Variants in PAFAH2 observed in about 807,000 individuals in gnomAD.
The protein encoded by PAFAH2 is platelet-activating factor acetylhydrolase 2, cytoplasmic.
PAFAH2 carries 42 observed loss-of-function variants against 49.0 expected under a neutral mutation model. The ratio of observed to expected loss-of-function variants is 0.86; its 90% CI spans 0.67 to 1.11. PAFAH2 has a LOEUF of 1.11. PAFAH2 is among the 50% of genes least tolerant of loss of function. PAFAH2 has a pLI of 0.00. For synonymous variants in PAFAH2, 184 were observed against 181.3 expected, an observed-to-expected ratio of 1.01 and a Z score of -0.12; for missense variants, 503 against 501.8, an observed-to-expected ratio of 1.00 and a Z score of -0.02.
At position 25,988,295 on chromosome 1, in the gene PAFAH2, G is replaced by GGCCA. The variant is rs1557529116; in HGVS notation, c.273_276dup (p.Pro93TrpfsTer4). The GGCCA allele has an allele frequency of 6.2e-7, 1 of 1,611,146 alleles. No homozygotes were observed. Among genetic ancestry groups the GGCCA allele is most frequent in the Non-Finnish European group, 8.5e-7 (1 of 1,178,718 alleles). ...TATCCAGAGTCCTTTGTCTTAAAGGGGCCATTCCAGCTAACAGGCAGGCGA... is the reference window on the plus strand; with the variant it reads ...TATCCAGAGTCCTTTGTCTTAAAGGGGCCAGCCATTCCAGCTAACAGGCAGGCGA... On this transcript the variant is annotated frameshift_variant, in exon 4 of 11. Transcript: ENST00000374282. LOFTEE classifies it high-confidence loss of function.
rs1466273176 is a variant in PAFAH2, at chr1:25,960,413, C to A, written c.*1576G>T. On this transcript the variant is annotated 3_prime_UTR_variant, in exon 11 of 11. Coordinates refer to ENST00000374282, the MANE Select transcript of PAFAH2 (RefSeq NM_000437.4). ...CCCCCAAATAGCTTTGAACTGGATC[C>A]CTAAGAAGACTTCCTTCCTTTTAAA... is the stretch of plus-strand genomic sequence containing the variant. 6.6e-6 allele frequency: 1 copy of A among 152,592 alleles called. No homozygotes were observed. The highest frequency in any genetic ancestry group is 1.5e-5 in the Non-Finnish European group (1 of 68,034). The allele number at this position is 152,592 out of a possible 1,614,324, so 9.5% of individuals were successfully genotyped here.
chr1:25,980,031 G>A (rs924781469), intron 7 of PAFAH2, among the ~76,000 whole-genome samples: 1 of 152,210 alleles, frequency 6.6e-6, no homozygotes, highest in East Asian at 1.9e-4. Flanking sequence ...CTAGATTCCA[G>A]GGTCTGCCTT....
chr1:25,997,869 C>T (rs1208889045), intron 1 of PAFAH2, among the ~76,000 whole-genome samples, 156 bp downstream of exon 1: 1 of 151,992 alleles, frequency 6.6e-6, no homozygotes, highest in Non-Finnish European at 1.5e-5. Context: ...GTCAAGGGAG[C>T]GGGTGGCTAC....
intron 10 of PAFAH2, among the ~76,000 whole-genome samples, chr1:25,967,153 G>C (rs556786896): frequency 2.0e-5 from 3 of 152,018 alleles, no homozygotes; most frequent in Non-Finnish European, 4.4e-5. Flanking sequence ...TGGTAGCTGT[G>C]GGGTGGTGAC....
intron 10 of PAFAH2, among the ~76,000 whole-genome samples, chr1:25,963,883 T>C (rs1462081095): frequency 6.6e-6 from 1 of 151,736 alleles, no homozygotes; most frequent in East Asian, 1.9e-4. Flanking sequence ...GAAGTGGGAG[T>C]GTGCCACGAG....
chr1:25,993,373 C>A (rs902040183), intron 1 of PAFAH2, among the ~76,000 whole-genome samples: 5 of 152,102 alleles, frequency 3.3e-5, no homozygotes, highest in African/African-American at 1.2e-4. Context: ...CCTCCACAAT[C>A]GTTTTCCCCT....
rs769270945 is a variant in PAFAH2, at chr1:25,988,318, C to T, written c.254G>A (p.Arg85His). 2.0e-5 allele frequency: 33 copies of T among 1,610,340 alleles called. No homozygotes were observed. Among genetic ancestry groups the T allele is most frequent in the Admixed American group, 6.7e-5 (4 of 59,496 alleles). ...LLFNLAVGSC[R>H]LPVSWNGPFK... ...GGGGCCATTCCAGCTAACAGGCAGGCGACAAGATCCTAGCAGAGACATGGG... is the reference window on the plus strand; with the variant it reads ...GGGGCCATTCCAGCTAACAGGCAGGTGACAAGATCCTAGCAGAGACATGGG... The change falls in exon 4 of 11, where the codon CGC (arginine) becomes CAC (histidine). Residue 85 changes from arginine to histidine, a missense_variant. Physicochemically the swap from Arg to His is conservative, Grantham distance 29 (BLOSUM62 0). Transcript: ENST00000374282.
chr1:25,962,919 G>A (rs1392514852), intron 10 of PAFAH2, among the ~76,000 whole-genome samples: 1 of 152,098 alleles, frequency 6.6e-6, no homozygotes, highest in Non-Finnish European at 1.5e-5. Flanking sequence ...GCCTGTGGGT[G>A]CAAATCCAGG....
chr1:25,971,743 C>G (rs745867518), intron 10 of PAFAH2, among the ~76,000 whole-genome samples: 1 of 152,166 alleles, frequency 6.6e-6, no homozygotes, highest in Non-Finnish European at 1.5e-5. Flanking sequence ...ACCAATAAAG[C>G]TTAATAAGAG....
At chr1:25,977,299 C>A (rs1572350477) in intron 7 of PAFAH2, among the ~76,000 whole-genome samples, 1 of 150,428 alleles carries the variant, frequency 6.6e-6, no homozygotes, top group African/African-American at 2.4e-5. Flanking sequence ...GCGCCCGGCT[C>A]ATGTTTACTT....
chr1:25,962,242 C>G (rs961731367), intron 10 of PAFAH2, among the ~76,000 whole-genome samples, 159 bp from the exon 11 acceptor site: 3 of 152,128 alleles, frequency 2.0e-5, no homozygotes, highest in Non-Finnish European at 4.4e-5. Context: ...GTAACGATAA[C>G]TATCATTTAT....
intron 1 of PAFAH2, 178 bp from the exon 2 acceptor site, chr1:25,991,041 GTTTTTTAT>G (rs1311478199): frequency 2.4e-5 from 12 of 492,638 alleles, no homozygotes; most frequent in African/African-American, 1.9e-4. Flanking sequence ...GTTGGGGGTT[GTTTTTTAT>G]TTTGCTAGGG....
At position 25,984,544 on chromosome 1, in the gene PAFAH2, G is replaced by C. The variant is rs762874936; in HGVS notation, c.342-16C>G. 7.5e-6 allele frequency: 12 copies of C among 1,608,888 alleles called. No homozygotes were observed. In the East Asian group the frequency reaches 2.7e-4, roughly 36 times the overall value. On this transcript the variant is annotated splice_polypyrimidine_tract_variant and intron_variant, in intron 4 of 10. Coordinates refer to ENST00000374282, the MANE Select transcript of PAFAH2 (RefSeq NM_000437.4). ...ATACAAAGTCCTGGAGATTCAAAAAGGAACAAGGAAAAGGGATCAAAAGAA... is the reference window on the plus strand; with the variant it reads ...ATACAAAGTCCTGGAGATTCAAAAACGAACAAGGAAAAGGGATCAAAAGAA...
chr1:25,966,069 T>C (rs1367219742), intron 10 of PAFAH2, among the ~76,000 whole-genome samples: 1 of 148,554 alleles, frequency 6.7e-6, no homozygotes, highest in Admixed American at 6.9e-5. Context: ...AAAACCACAA[T>C]GAGATACTAC....
chr1:25,988,445 G>A (rs2049819546), intron 3 of PAFAH2, 118 bp from the exon 4 acceptor site: 1 of 711,388 alleles, frequency 1.4e-6, no homozygotes, highest in South Asian at 1.6e-5. Context: ...ACCACCATCG[G>A]CCCCTGAGCA....
intron 7 of PAFAH2, 33 bp downstream of exon 7, chr1:25,982,331 C>G: frequency 8.2e-6 from 12 of 1,471,062 alleles, no homozygotes; most frequent in Non-Finnish European, 1.1e-5. Flanking sequence ...ACCCTGAATA[C>G]TGGGCTCTAG....
intron 1 of PAFAH2, among the ~76,000 whole-genome samples, chr1:25,992,979 C>G (rs1219194687): frequency 6.6e-6 from 1 of 152,172 alleles, no homozygotes; most frequent in Non-Finnish European, 1.5e-5. Context: ...GTCAAGTGGC[C>G]TTGAACCACA....
intron 1 of PAFAH2, among the ~76,000 whole-genome samples, chr1:25,993,390 C>A (rs1232345974): frequency 2.0e-5 from 3 of 152,052 alleles, no homozygotes; most frequent in African/African-American, 7.2e-5. Flanking sequence ...CCCTTCTCCG[C>A]GTACATACAC....
At chr1:25,991,403 C>A (rs2049873426) in intron 1 of PAFAH2, among the ~76,000 whole-genome samples, 1 of 152,034 alleles carries the variant, frequency 6.6e-6, no homozygotes, top group African/African-American at 2.4e-5. Flanking sequence ...CCTCAGCCTC[C>A]TGAGTAGCTG....
Sources: gnomAD v4.1 joint callset for allele counts (sites outside exome capture counted in the v4.1 genomes callset) on GRCh38, gnomAD v4.1.1 for gene constraint, MANE v1.5 for transcripts, NCBI Gene and HGNC (gene_info 2026-07-23, HGNC 2026-07-21) for gene names.